The following DNAJC16 variants were observed in gnomAD, a reference collection of about 807,000 sequenced individuals.
DNAJC16 encodes the protein dnaJ homolog subfamily C member 16.
Under a neutral mutation model 92.7 loss-of-function variants are expected in DNAJC16, and 76 were observed. The ratio of observed to expected loss-of-function variants is 0.82; its 90% CI spans 0.68 to 0.99. DNAJC16 has a LOEUF of 0.99. Among genes scored for constraint, DNAJC16 ranks in the 50% least tolerant of loss-of-function variants. The pLI, the probability that DNAJC16 is intolerant of heterozygous loss-of-function variation, is 0.00. For missense variants in DNAJC16, 869 were observed against 942.4 expected (o/e 0.92, Z 1.02); for synonymous variants, 328 against 358.7 (o/e 0.91, Z 0.97).
intron 7 of DNAJC16, among the ~76,000 whole-genome samples, chr1:15,555,690 A>AG (rs1638554136): frequency 6.7e-6 from 1 of 149,266 alleles, no homozygotes; most frequent in African/African-American, 2.4e-5. Context: ...TCAAAAAAAA[A>AG]AAAAAAAAAA....
chr1:15,531,264 AGTGAACAG>A (rs1710653865), intron 2 of DNAJC16, among the ~76,000 whole-genome samples: 1 of 152,266 alleles, frequency 6.6e-6, no homozygotes, highest in African/African-American at 2.4e-5. Context: ...GTTCTGCTTC[AGTGAACAG>A]GTATATTTTA....
In DNAJC16 at chr1:15,568,253, A is replaced by G; in HGVS notation, c.*76A>G. 1.6e-6 allele frequency: 2 copies of G among 1,217,142 alleles called. No individual in the cohort carries two copies. The highest frequency in any genetic ancestry group is 2.3e-6 in the Non-Finnish European group (2 of 861,440). 75.4% of individuals were successfully genotyped at this position (1,217,142 alleles called of 1,614,324 possible). A position where few individuals can be genotyped will look rare whatever the true frequency, so the allele number is the denominator to read the frequency against. The stretch of plus-strand genomic sequence containing the variant: ...GTGAACAGGTATTTTCAGGACTCAA[A>G]CTACCACAATGAACAGAGTATAGAT... On this transcript the variant is annotated 3_prime_UTR_variant, in exon 15 of 15. Transcript: ENST00000375847.
chr1:15,548,385 T>A lies in DNAJC16; in HGVS notation c.980T>A (p.Leu327Ter). 1 of 1,614,144 alleles carries A rather than the reference T, an allele frequency of 6.2e-7. No homozygotes were observed. The highest frequency in any genetic ancestry group is 8.5e-7 in the Non-Finnish European group (1 of 1,180,012). ...ATCAATATCTACGCCCCTACCCTCT[T>A]GGTCTTTAAAGAACATATAAACAGG... is the stretch of plus-strand genomic sequence containing the variant. ...YNINIYAPTL[L>*]VFKEHINRPA... The change falls in exon 7 of 15, where the codon TTG becomes TAG. Residue 327 changes from leucine (L) to a stop codon, truncating the protein, a stop_gained. Transcript: ENST00000375847. LOFTEE classifies it high-confidence loss of function.
In DNAJC16 at chr1:15,548,075, G is replaced by A. The variant is rs956361756; in HGVS notation, c.865-195G>A. ...GCTATGAAAAAGAAGAGAGTTGTTT[G>A]TATTTACTTTGTTGGTACAGTTTTT... On this transcript the variant is annotated intron_variant, in intron 6 of 14. Transcript: ENST00000375847. 2.6e-5 allele frequency among the ~76,000 whole-genome samples: 4 copies of A among 152,134 alleles called. No individual in the cohort carries two copies. The East Asian group carries it at 7.7e-4, about 29-fold the overall frequency.
intron 6 of DNAJC16, 44 bp downstream of exon 6, chr1:15,546,915 CTT>C (rs76961003): frequency 0.24 from 212,293 of 883,662 alleles, 6,863 homozygotes; most frequent in East Asian, 0.36. Context: ...CTTTTCTTTT[CTT>C]TTTTTTTTTT....
At position 15,533,238 on chromosome 1, in the gene DNAJC16, C is replaced by G. The variant is rs576278252; in HGVS notation, c.168-999C>G. ...GCTGGCCGGGTGTGGTAGCTCACAC[C>G]TGTAATCCCAGCACTTTGGGAGGCC... On this transcript the variant is annotated intron_variant, in intron 2 of 14. Coordinates refer to ENST00000375847, the MANE Select transcript of DNAJC16 (RefSeq NM_015291.4). 1.6e-4 allele frequency among the ~76,000 whole-genome samples: 24 copies of G among 152,292 alleles called. No individual in the cohort carries two copies. In the East Asian group the frequency reaches 3.7e-3, roughly 23 times the overall value.
At chr1:15,529,954 T>G (rs909739543) in intron 2 of DNAJC16, among the ~76,000 whole-genome samples, 24 of 152,234 alleles carry the variant, frequency 1.6e-4, no homozygotes, top group Non-Finnish European at 2.5e-4. Flanking sequence ...GTTGTTATAC[T>G]GTTATTGTTT....
chr1:15,540,839 A>G (rs1710915631), intron 4 of DNAJC16, among the ~76,000 whole-genome samples: 1 of 152,232 alleles, frequency 6.6e-6, no homozygotes, highest in South Asian at 2.1e-4. Flanking sequence ...GGATCAGTTC[A>G]TAAATTGGCA....
At chr1:15,563,253 A>G (rs72645829) in intron 9 of DNAJC16, among the ~76,000 whole-genome samples, 43,620 of 151,592 alleles carry the variant, frequency 0.29, 7,339 homozygotes, top group African/African-American at 0.46. Flanking sequence ...CTTAGGCCGA[A>G]CGCGGTGGCT....
chr1:15,532,953 T>C (rs1710692432), intron 2 of DNAJC16, among the ~76,000 whole-genome samples: 1 of 152,234 alleles, frequency 6.6e-6, no homozygotes, highest in Admixed American at 6.5e-5. Flanking sequence ...CATTAAGTTG[T>C]AGATTTTTTT....
chr1:15,558,171 CTTTTTTT>C (rs1184997158), intron 7 of DNAJC16, among the ~76,000 whole-genome samples: 5,095 of 117,758 alleles, frequency 0.043, 134 homozygotes, highest in African/African-American at 0.1. Flanking sequence ...ATACCCAGCC[CTTTTTTT>C]TTTTTTTTTT....
chr1:15,563,726 C>G (rs59532384), intron 9 of DNAJC16, among the ~76,000 whole-genome samples: 44,020 of 136,428 alleles, frequency 0.32, 9,500 homozygotes, highest in African/African-American at 0.58. Flanking sequence ...GCAGGTGCCT[C>G]TAGTCCCAGC....
Position 15,568,264 on chromosome 1 carries a change from G to A in DNAJC16, c.*87G>A, listed in dbSNP as rs546053013. ...TTTTCAGGACTCAAACTACCACAAT[G>A]AACAGAGTATAGATTTTAGATTGCT... On this transcript the variant is annotated 3_prime_UTR_variant, in exon 15 of 15. Coordinates refer to ENST00000375847, the MANE Select transcript of DNAJC16 (RefSeq NM_015291.4). The A allele has an allele frequency of 7.2e-6, 8 of 1,113,530 alleles. No homozygotes were observed. The Admixed American group carries it at 1.1e-4, about 16-fold the overall frequency. The allele number at this position is 1,113,530 out of a possible 1,614,324, so 69.0% of individuals were successfully genotyped here.
chr1:15,565,505 C>G, intron 11 of DNAJC16: 1 of 183,280 alleles, frequency 5.5e-6, no homozygotes, highest in Non-Finnish European at 1.1e-5. Context: ...CTTGAAAGAT[C>G]AATTTTATCT....
chr1:15,528,385 G>A (rs1333686847), intron 1 of DNAJC16, among the ~76,000 whole-genome samples: 2 of 151,900 alleles, frequency 1.3e-5, no homozygotes, highest in Non-Finnish European at 2.9e-5. Context: ...AGTGAGCTGA[G>A]ATCCCATCAT....
In DNAJC16 at chr1:15,536,585, C is replaced by T; in HGVS notation, c.345C>T (p.Phe115=). 1 of 1,614,202 alleles carries T rather than the reference C, an allele frequency of 6.2e-7. No individual in the cohort carries two copies. The highest frequency in any genetic ancestry group is 1.7e-5 in the Admixed American group (1 of 60,020). ...QQQREYRFRH[F]HENFYFDESF... ...AGCGAGAGTATCGCTTCCGCCATTT[C>T]CATGAAAATTTTTATTTTGATGAAT... Residue 115 remains phenylalanine (F), a synonymous_variant, in exon 4 of 15, where the codon TTC becomes TTT. Coordinates refer to ENST00000375847, the MANE Select transcript of DNAJC16 (RefSeq NM_015291.4).
intron 4 of DNAJC16, among the ~76,000 whole-genome samples, chr1:15,542,559 A>C (rs149899985): frequency 3.7e-4 from 56 of 152,330 alleles, no homozygotes; most frequent in African/African-American, 1.3e-3. Flanking sequence ...CAGCTCGAGC[A>C]AGTTAGTTGA....
intron 4 of DNAJC16, among the ~76,000 whole-genome samples, chr1:15,540,511 T>G (rs1264302844): frequency 6.6e-6 from 1 of 152,084 alleles, no homozygotes; most frequent in Admixed American, 6.5e-5. Flanking sequence ...ACTTCCTGGG[T>G]TCAGATCCCA....
intron 6 of DNAJC16, 45 bp from the exon 7 acceptor site, chr1:15,548,225 C>A (rs904682476): frequency 1.9e-6 from 3 of 1,596,176 alleles, no homozygotes; most frequent in Non-Finnish European, 2.6e-6. Flanking sequence ...TCATTTACAT[C>A]TTTGCTGTAG....
Sources: allele counts gnomAD v4.1 joint callset (sites outside exome capture counted in the v4.1 genomes callset), GRCh38; gene constraint gnomAD v4.1.1; transcripts MANE v1.5; gene names NCBI Gene and HGNC (gene_info 2026-07-23, HGNC 2026-07-21).